Variants in PUM1 observed in about 807,000 individuals in gnomAD.
The protein encoded by PUM1 is pumilio RNA binding family member 1.
A neutral mutation model predicts 131.8 loss-of-function variants in PUM1; 13 were observed. The observed-to-expected ratio is 0.10, with a 90% CI of 0.06 to 0.16. The LOEUF (loss-of-function observed/expected upper bound fraction) is 0.16. Ranked by LOEUF, PUM1 falls within the 10% of genes least tolerant of loss-of-function variation. The probability of loss-of-function intolerance (pLI) is 1.00; values close to 1 mark genes in which losing one functional copy is unlikely to be tolerated. For missense variants in PUM1, 961 were observed against 1,512.4 expected, an observed-to-expected ratio of 0.64 and a Z score of 6.05; for synonymous variants, 509 against 556.5, an observed-to-expected ratio of 0.91 and a Z score of 1.20.
At chr1:31,055,082 CATCAGTGGTTCTCA>C (rs1644206807) in intron 2 of PUM1, among the ~76,000 whole-genome samples, 1 of 152,174 alleles carries the variant, frequency 6.6e-6, no homozygotes, top group Non-Finnish European at 1.5e-5. Flanking sequence ...TTTCCGTTAT[CATCAGTGGTTCTCA>C]ACCTCTTTTT....
chr1:31,042,428 A>T (rs1046980560), intron 2 of PUM1, among the ~76,000 whole-genome samples: 5 of 152,172 alleles, frequency 3.3e-5, no homozygotes, highest in African/African-American at 1.2e-4. Flanking sequence ...TAACTTTTTT[A>T]AAAATTAAAA....
Position 31,005,743 on chromosome 1 carries a change from T to C in PUM1, c.720+110A>G, listed in dbSNP as rs146796740. The C allele has an allele frequency of 3.6e-4, 377 of 1,061,514 alleles. 3 individuals are homozygous for C. The African/African-American group carries it at 5.3e-3, about 15-fold the overall frequency. 65.8% of individuals were successfully genotyped at this position (1,061,514 alleles called of 1,614,324 possible). On this transcript the variant is annotated intron_variant, in intron 5 of 21. Transcript: ENST00000426105. ...TGAAAATACCCTGTAATTAATGCTG[T>C]GAACATCTAAGGAAACTAAACAGGC...
intron 5 of PUM1, among the ~76,000 whole-genome samples, chr1:31,003,582 C>T (rs904004176): frequency 2.6e-5 from 4 of 152,092 alleles, no homozygotes; most frequent in African/African-American, 4.8e-5. Flanking sequence ...CATGGGGAAA[C>T]CGGATCTCTA....
At chr1:30,949,332 C>T (rs1639826883) in intron 17 of PUM1, 4 of 330,720 alleles carry the variant, frequency 1.2e-5, no homozygotes, top group South Asian at 9.0e-5. Flanking sequence ...CACACCCTGC[C>T]TGTGGGTCTG....
chr1:30,938,900 T>C (rs372843582), intron 20 of PUM1, among the ~76,000 whole-genome samples: 1,462 of 139,266 alleles, frequency 0.01, 12 homozygotes, highest in East Asian at 0.035. Flanking sequence ...GATAGATAGA[T>C]AGATAGACAG....
intron 14 of PUM1, among the ~76,000 whole-genome samples, chr1:30,957,922 C>T (rs1640237326): frequency 6.6e-6 from 1 of 152,210 alleles, no homozygotes. Context: ...TTAAATAACC[C>T]TGAAAACTGA....
chr1:30,937,854 T>C (rs1639278380), intron 20 of PUM1, among the ~76,000 whole-genome samples: 1 of 151,598 alleles, frequency 6.6e-6, no homozygotes, highest in Non-Finnish European at 1.5e-5. Context: ...CTGCAACTTC[T>C]GCCTCCCGGA....
intron 14 of PUM1, among the ~76,000 whole-genome samples, chr1:30,956,796 G>A (rs887129591): frequency 1.3e-5 from 2 of 152,242 alleles, no homozygotes; most frequent in South Asian, 2.1e-4. Context: ...AATTATAAAG[G>A]AGCCAGGTCC....
At chr1:30,958,655 C>T (rs764356471) in intron 14 of PUM1, among the ~76,000 whole-genome samples, 1 of 152,070 alleles carries the variant, frequency 6.6e-6, no homozygotes, top group Non-Finnish European at 1.5e-5. Flanking sequence ...ATATCCACAT[C>T]CCTTACTTTT....
intron 2 of PUM1, among the ~76,000 whole-genome samples, chr1:31,053,895 G>T (rs997011896): frequency 8.6e-5 from 13 of 152,032 alleles, no homozygotes; most frequent in African/African-American, 2.9e-4. Context: ...AGGAGTTCGA[G>T]ACTAGCCTGG....
At chr1:31,056,609 CTTTTTTTTTTTTTTTTTTTTTTTTT>C (rs57685772) in intron 2 of PUM1, among the ~76,000 whole-genome samples, 1 of 43,688 alleles carries the variant, frequency 2.3e-5, no homozygotes, top group African/African-American at 8.9e-5. Context: ...CTTTTCTTTT[CTTTTTTTTTTTTTTTTTTTTTTTTT>C]TTTTTTTTTT....
chr1:30,966,407 A>G, intron 12 of PUM1, 129 bp from the exon 13 acceptor site: 1 of 931,160 alleles, frequency 1.1e-6, no homozygotes, highest in Non-Finnish European at 1.6e-6. Flanking sequence ...AACCATACAA[A>G]TCTGTCTTTG....
chr1:31,060,840 C>T (rs937902542), intron 1 of PUM1, among the ~76,000 whole-genome samples: 4 of 150,914 alleles, frequency 2.7e-5, no homozygotes, highest in South Asian at 2.1e-4. Context: ...GAGCCAAGAT[C>T]GCACCACTGC....
chr1:31,003,731 T>C (rs1050034960), intron 5 of PUM1, among the ~76,000 whole-genome samples: 1 of 152,160 alleles, frequency 6.6e-6, no homozygotes, highest in Non-Finnish European at 1.5e-5. Flanking sequence ...CACTCCAGTC[T>C]GGGCGACAAG....
At chr1:30,960,219 C>T (rs1009174562) in intron 14 of PUM1, among the ~76,000 whole-genome samples, 8 of 152,180 alleles carry the variant, frequency 5.3e-5, no homozygotes, top group South Asian at 2.1e-4. Flanking sequence ...TTTTGGAATA[C>T]GTGAATTATA....
At chr1:30,981,741 C>A (rs1435345366) in intron 7 of PUM1, among the ~76,000 whole-genome samples, 1 of 152,014 alleles carries the variant, frequency 6.6e-6, no homozygotes, top group Non-Finnish European at 1.5e-5. Context: ...ATCTATATAT[C>A]TCATATATAT....
At chr1:30,958,224 C>T (rs1264214075) in intron 14 of PUM1, among the ~76,000 whole-genome samples, 1 of 152,158 alleles carries the variant, frequency 6.6e-6, no homozygotes, top group Non-Finnish European at 1.5e-5. Context: ...AGAAAGAATA[C>T]ATTTTGAGAA....
At chr1:31,065,419 G>A (rs1053204456) in intron 1 of PUM1, among the ~76,000 whole-genome samples, 197 bp downstream of exon 1, 5 of 135,644 alleles carry the variant, frequency 3.7e-5, no homozygotes, top group African/African-American at 1.4e-4. Context: ...TCCCTCCTTT[G>A]ATAACAATAG....
At chr1:31,003,038 T>C (rs911841339) in intron 5 of PUM1, among the ~76,000 whole-genome samples, 1 of 152,252 alleles carries the variant, frequency 6.6e-6, no homozygotes. Flanking sequence ...GTCAGTGTGT[T>C]AAGAATAACT....
Sources: gnomAD v4.1 joint callset for allele counts (sites outside exome capture counted in the v4.1 genomes callset) on GRCh38, gnomAD v4.1.1 for gene constraint, MANE v1.5 for transcripts, NCBI Gene and HGNC (gene_info 2026-07-23, HGNC 2026-07-21) for gene names.